KANK1: variants seen among roughly 807,000 people sequenced by gnomAD.
The protein encoded by KANK1 is KN motif and ankyrin repeat domain-containing protein 1.
Under a neutral mutation model 106.2 loss-of-function variants are expected in KANK1, and 109 were observed. That is an observed-to-expected ratio of 1.03 (90% CI 0.88 to 1.20). KANK1 has a LOEUF of 1.20. Among genes scored for constraint, KANK1 ranks in the 50% most tolerant of loss-of-function variants. The pLI, the probability that KANK1 is intolerant of heterozygous loss-of-function variation, is 0.00. For missense variants in KANK1, 2,399 were observed against 1,710.7 expected (o/e 1.40, Z -7.10); for synonymous variants, 873 against 652.2 (o/e 1.34, Z -5.16).
chr9:694,051 GTTCAA>G (rs1393564895), intron 2 of KANK1, among the ~76,000 whole-genome samples: 1 of 152,114 alleles, frequency 6.6e-6, no homozygotes, highest in Non-Finnish European at 1.5e-5. Flanking sequence ...TTAAGGTTTA[GTTCAA>G]TTCAATAATT....
chr9:562,929 C>A (rs1816865276), intron 1 of KANK1, among the ~76,000 whole-genome samples: 1 of 152,150 alleles, frequency 6.6e-6, no homozygotes, highest in Non-Finnish European at 1.5e-5. Context: ...ATTAGAGAGG[C>A]ACCCATGAAA....
intron 1 of KANK1, among the ~76,000 whole-genome samples, chr9:648,173 T>C (rs1237972901): frequency 1.3e-5 from 2 of 149,944 alleles, no homozygotes; most frequent in East Asian, 3.9e-4. Flanking sequence ...CTGGGTAATT[T>C]TTATATTTTT....
chr9:663,318 G>T (rs1843790268), intron 1 of KANK1, among the ~76,000 whole-genome samples: 1 of 152,154 alleles, frequency 6.6e-6, no homozygotes, highest in South Asian at 2.1e-4. Context: ...CCAGCAGTAG[G>T]AATGCTTGCT....
intron 1 of KANK1, among the ~76,000 whole-genome samples, chr9:522,555 G>A (rs1462377542): frequency 6.6e-6 from 1 of 151,750 alleles, no homozygotes; most frequent in East Asian, 1.9e-4. Context: ...TCATGAGGAA[G>A]GGGGTCCTGG....
chr9:489,590 G>A (rs2058345573), intron 3 of KANK1, among the ~76,000 whole-genome samples: 1 of 152,178 alleles, frequency 6.6e-6, no homozygotes, highest in African/African-American at 2.4e-5. Flanking sequence ...CTTGGTTTGA[G>A]TCTCTGCCCT....
At chr9:539,170 C>G (rs10217469) in intron 1 of KANK1, among the ~76,000 whole-genome samples, 4,312 of 152,280 alleles carry the variant, frequency 0.028, 208 homozygotes, top group African/African-American at 0.097. Flanking sequence ...CATGAGCCAT[C>G]ATGCCTGGCT....
At chr9:515,906 T>C (rs1260578701) in intron 1 of KANK1, among the ~76,000 whole-genome samples, 1 of 151,844 alleles carries the variant, frequency 6.6e-6, no homozygotes, top group East Asian at 1.9e-4. Context: ...TTCGTTTTGA[T>C]TTATTTCCTG....
rs551179335 is a variant in KANK1 at position 702,582 on chromosome 9, G to A, written c.38-8222G>A. ...TCAATATCAATTATAAATGTAAGTC[G>A]AATGTGTGAATAAATGTTTTATTCG... On this transcript the variant is annotated intron_variant, in intron 2 of 11. Coordinates refer to ENST00000382297, the MANE Select transcript of KANK1 (RefSeq NM_015158.5). Among the ~76,000 whole-genome samples, 48 of 152,218 alleles carry A rather than the reference G, an allele frequency of 3.2e-4. No homozygotes were observed. The South Asian group carries it at 9.3e-3, about 30-fold the overall frequency.
intron 2 of KANK1, among the ~76,000 whole-genome samples, chr9:708,784 A>C (rs1825061169): frequency 6.6e-6 from 1 of 152,142 alleles, no homozygotes; most frequent in Admixed American, 6.5e-5. Flanking sequence ...AGGGAGACTG[A>C]TGGCTTACAT....
intron 1 of KANK1, among the ~76,000 whole-genome samples, chr9:614,917 C>T (rs528923213): frequency 6.6e-6 from 1 of 152,030 alleles, no homozygotes; most frequent in African/African-American, 2.4e-5. Flanking sequence ...TAATATAGTA[C>T]AAAATTGTAC....
chr9:541,779 A>G (rs771797767), intron 1 of KANK1, among the ~76,000 whole-genome samples: 1 of 152,208 alleles, frequency 6.6e-6, no homozygotes, highest in Non-Finnish European at 1.5e-5. Flanking sequence ...ATAGCAAGAA[A>G]ATAAATAACC....
rs756942935 is a variant in KANK1 at position 734,777 on chromosome 9, C to T, written c.3275C>T (p.Ala1092Val). 16 of 1,613,034 alleles carry T rather than the reference C, an allele frequency of 9.9e-6. No homozygotes were observed. The East Asian group carries it at 2.9e-4, about 29-fold the overall frequency. Residue 1092 changes from alanine to valine, a missense_variant, in exon 7 of 12, where the codon GCA (alanine) becomes GTA (valine). Ala to Val is a moderately conservative substitution (Grantham distance 64). Coordinates refer to ENST00000382297, the MANE Select transcript of KANK1 (RefSeq NM_015158.5). ...RYELSEKMLS[A>V]CNLLKNTIND... is the part of the protein sequence containing the mutation. Reference sequence around the variant, plus strand: ...GAATTAAGTGAAAAGATGTTGTCTGCATGCAACTTACTGAAAAATACTATA... The same window carrying T: ...GAATTAAGTGAAAAGATGTTGTCTGTATGCAACTTACTGAAAAATACTATA...
chr9:533,536 A>G (rs1489327681), intron 1 of KANK1, among the ~76,000 whole-genome samples: 1 of 152,198 alleles, frequency 6.6e-6, no homozygotes, highest in Non-Finnish European at 1.5e-5. Flanking sequence ...CCCTCCTCCA[A>G]AACACTCTTA....
At chr9:548,123 G>C (rs1014482174) in intron 1 of KANK1, among the ~76,000 whole-genome samples, 1 of 152,006 alleles carries the variant, frequency 6.6e-6, no homozygotes, top group Non-Finnish European at 1.5e-5. Context: ...TATTACATTA[G>C]TACTAAAAAA....
chr9:623,765 A>G (rs1286538147), intron 1 of KANK1, among the ~76,000 whole-genome samples: 1 of 152,200 alleles, frequency 6.6e-6, no homozygotes, highest in Non-Finnish European at 1.5e-5. Flanking sequence ...AAGGATATGG[A>G]GGAAAGGGAA....
intron 1 of KANK1, among the ~76,000 whole-genome samples, chr9:545,689 A>C (rs1324088993): frequency 1.3e-5 from 2 of 149,264 alleles, no homozygotes; most frequent in African/African-American, 2.5e-5. Flanking sequence ...GCGTGACAGC[A>C]TATGGAGATG....
At chr9:679,088 C>G (rs1290819582) in intron 2 of KANK1, among the ~76,000 whole-genome samples, 1 of 152,130 alleles carries the variant, frequency 6.6e-6, no homozygotes, top group East Asian at 1.9e-4. Flanking sequence ...ACCTGGTATC[C>G]TGCCTAACAG....
chr9:496,771 C>G (rs978313476), intron 3 of KANK1, among the ~76,000 whole-genome samples: 1 of 152,136 alleles, frequency 6.6e-6, no homozygotes, highest in African/African-American at 2.4e-5. Context: ...TAACCCAGCA[C>G]TTTCAGCACA....
intron 5 of KANK1, 156 bp from the exon 6 acceptor site, chr9:732,222 G>T: frequency 1.3e-6 from 1 of 785,534 alleles, no homozygotes; most frequent in East Asian, 2.6e-5. Context: ...AAACCACCAG[G>T]CATTTAAATA....
Sources: allele counts gnomAD v4.1 joint callset (sites outside exome capture counted in the v4.1 genomes callset), GRCh38; gene constraint gnomAD v4.1.1; transcripts MANE v1.5; gene names NCBI Gene and HGNC (gene_info 2026-07-23, HGNC 2026-07-21).